TBL1X: variants seen among roughly 807,000 people sequenced by gnomAD.
TBL1X encodes the protein transducin beta like 1 X-linked, also known as F-box-like/WD repeat-containing protein TBL1X.
Under a neutral mutation model 50.7 loss-of-function variants are expected in TBL1X, and 10 were observed. That is an observed-to-expected ratio of 0.20 (90% CI 0.12 to 0.33). The LOEUF is 0.33. Ranked by LOEUF, TBL1X falls within the 10% of genes least tolerant of loss-of-function variation. The probability of loss-of-function intolerance (pLI) is 1.00; values close to 1 mark genes in which losing one functional copy is unlikely to be tolerated. For missense variants in TBL1X, 340 were observed against 504.4 expected, an observed-to-expected ratio of 0.67 and a Z score of 3.12; for synonymous variants, 190 against 214.7, an observed-to-expected ratio of 0.88 and a Z score of 1.01.
At chrX:9,676,130 A>G (rs1601832194) in intron 5 of TBL1X, among the ~76,000 whole-genome samples, 2 of 111,988 alleles carry the variant, frequency 1.8e-5, no homozygotes, top group South Asian at 3.7e-4. Flanking sequence ...CTGTCTTCCA[A>G]TTTCCAAATA....
intron 1 of TBL1X, among the ~76,000 whole-genome samples, chrX:9,481,380 T>A (rs2081881605): frequency 8.9e-6 from 1 of 112,538 alleles, no homozygotes; most frequent in Non-Finnish European, 1.9e-5. Flanking sequence ...TTTTAACAAT[T>A]GGATAAAGTA....
chrX:9,561,987 A>G (rs755026353), intron 2 of TBL1X, among the ~76,000 whole-genome samples: 6 of 112,349 alleles, frequency 5.3e-5, no homozygotes, highest in East Asian at 5.6e-4. Context: ...TCATAACTAC[A>G]GTGAATAAAT....
chrX:9,641,065 T>C (rs2082773594), intron 3 of TBL1X, among the ~76,000 whole-genome samples: 1 of 112,505 alleles, frequency 8.9e-6, no homozygotes, highest in African/African-American at 3.2e-5. Flanking sequence ...AAGTTAATTA[T>C]AATTGGGTGC....
At chrX:9,554,458 T>C (rs1464495250) in intron 2 of TBL1X, among the ~76,000 whole-genome samples, 2 of 112,525 alleles carry the variant, frequency 1.8e-5, no homozygotes, top group African/African-American at 6.5e-5. Flanking sequence ...CTTGATTCAA[T>C]ACAATTTATT....
At chrX:9,533,357 C>T (rs1465948396) in intron 2 of TBL1X, among the ~76,000 whole-genome samples, 1 of 111,588 alleles carries the variant, frequency 9.0e-6, no homozygotes, top group East Asian at 2.8e-4. Flanking sequence ...CTCTTCCTTC[C>T]TCCCCCTCCC....
intron 2 of TBL1X, among the ~76,000 whole-genome samples, chrX:9,539,146 A>G (rs938624416): frequency 1.8e-5 from 2 of 112,424 alleles, no homozygotes; most frequent in South Asian, 7.4e-4. Flanking sequence ...AACAAGGAAC[A>G]TCTAGGCACA....
chrX:9,464,741 G>A (rs906173018), upstream of TBL1X, among the ~76,000 whole-genome samples: 3 of 111,572 alleles, frequency 2.7e-5, no homozygotes, highest in South Asian at 1.1e-3. Flanking sequence ...GGAAGGGACC[G>A]GGACCAGAGC....
chrX:9,622,541 C>T (rs1434279614), intron 2 of TBL1X, among the ~76,000 whole-genome samples: 2 of 111,695 alleles, frequency 1.8e-5, no homozygotes, highest in South Asian at 3.8e-4. Context: ...GTGCAACCTC[C>T]GCCTCTCAGG....
At chrX:9,710,430 C>A (rs1434785580) in intron 15 of TBL1X, among the ~76,000 whole-genome samples, 2 of 110,886 alleles carry the variant, frequency 1.8e-5, no homozygotes, top group Admixed American at 9.6e-5. Flanking sequence ...TCTCATATTT[C>A]AAGTAATTGT....
intron 2 of TBL1X, among the ~76,000 whole-genome samples, chrX:9,509,142 C>G (rs2082041371): frequency 9.3e-6 from 1 of 107,916 alleles, no homozygotes; most frequent in Non-Finnish European, 1.9e-5. Flanking sequence ...AATCCCAGCA[C>G]TTTGGGAGGC....
At chrX:9,569,063 C>G (rs866976196) in intron 2 of TBL1X, among the ~76,000 whole-genome samples, 1 of 101,480 alleles carries the variant, frequency 9.9e-6, no homozygotes, top group Admixed American at 1.1e-4. Context: ...TCTATCTGTG[C>G]TGTGTGTGTC....
chrX:9,693,634 G>T (rs968742822), intron 11 of TBL1X, among the ~76,000 whole-genome samples: 4 of 111,335 alleles, frequency 3.6e-5, no homozygotes, highest in East Asian at 5.6e-4. Context: ...GCAGACCCTC[G>T]TGCAAAGCTT....
intron 2 of TBL1X, among the ~76,000 whole-genome samples, chrX:9,621,057 A>G (rs756360496): frequency 8.9e-6 from 1 of 111,897 alleles, no homozygotes; most frequent in East Asian, 2.8e-4. Flanking sequence ...ACTACAGGCT[A>G]GAAGAGAGAC....
intron 12 of TBL1X, among the ~76,000 whole-genome samples, chrX:9,701,798 G>T (rs2083175488): frequency 1.8e-5 from 2 of 111,048 alleles, no homozygotes; most frequent in Admixed American, 1.9e-4. Flanking sequence ...AAATGCAGAG[G>T]CTGGACCAGA....
At chrX:9,540,667 C>A (rs1331399588) in intron 2 of TBL1X, among the ~76,000 whole-genome samples, 2 of 112,414 alleles carry the variant, frequency 1.8e-5, no homozygotes, top group African/African-American at 6.5e-5. Context: ...TAACAATTAA[C>A]AAAAGACTAA....
At chrX:9,608,549 C>T (rs1302228204) in intron 2 of TBL1X, among the ~76,000 whole-genome samples, 2 of 111,063 alleles carry the variant, frequency 1.8e-5, no homozygotes, top group East Asian at 2.8e-4. Context: ...CTCTTTGAAG[C>T]GGAGTGGGAA....
intron 13 of TBL1X, among the ~76,000 whole-genome samples, chrX:9,705,825 C>G (rs1345370388): frequency 9.1e-6 from 1 of 110,338 alleles, no homozygotes; most frequent in African/African-American, 3.3e-5. Flanking sequence ...TCTCAATTCT[C>G]TCATTGCTCT....
chrX:9,538,649 A>G (rs1455122599), intron 2 of TBL1X, among the ~76,000 whole-genome samples: 2 of 112,076 alleles, frequency 1.8e-5, no homozygotes, highest in African/African-American at 6.5e-5. Flanking sequence ...TCTCTTGCTC[A>G]ATGCTTTTCT....
intron 2 of TBL1X, among the ~76,000 whole-genome samples, chrX:9,595,840 G>T (rs752640890): frequency 8.9e-6 from 1 of 112,539 alleles, no homozygotes; most frequent in Non-Finnish European, 1.9e-5. Context: ...GGTGGAGTAA[G>T]ATGGAGCATC....
Sources: gnomAD v4.1 joint callset for allele counts (sites outside exome capture counted in the v4.1 genomes callset) on GRCh38, gnomAD v4.1.1 for gene constraint, MANE v1.5 for transcripts, NCBI Gene and HGNC (gene_info 2026-07-23, HGNC 2026-07-21) for gene names.